GALNTL6: variants seen among roughly 807,000 people sequenced by gnomAD.
The protein encoded by GALNTL6 is polypeptide N-acetylgalactosaminyltransferase-like 6.
GALNTL6 carries 46 observed loss-of-function variants against 73.7 expected under a neutral mutation model. That is an observed-to-expected ratio of 0.62 (90% CI 0.49 to 0.80). GALNTL6 has a LOEUF of 0.80. Ranked by LOEUF, GALNTL6 falls within the 30% of genes least tolerant of loss-of-function variation. The probability of loss-of-function intolerance (pLI) is 0.00; values close to 1 mark genes in which losing one functional copy is unlikely to be tolerated. For synonymous variants in GALNTL6, 259 were observed against 263.7 expected, an observed-to-expected ratio of 0.98 and a Z score of 0.17; for missense variants, 604 against 755.0, an observed-to-expected ratio of 0.80 and a Z score of 2.34.
chr4:172,397,479 A>C (rs1217152879), intron 5 of GALNTL6, among the ~76,000 whole-genome samples: 2 of 152,184 alleles, frequency 1.3e-5, no homozygotes. Context: ...CCATATAACA[A>C]ATCACTCACC....
At chr4:171,865,431 G>A (rs1446197500) in intron 2 of GALNTL6, among the ~76,000 whole-genome samples, 1 of 152,066 alleles carries the variant, frequency 6.6e-6, no homozygotes, top group Non-Finnish European at 1.5e-5. Flanking sequence ...AATTGATCAG[G>A]AAGAAAAATA....
chr4:172,282,914 T>C (rs1739115645), intron 3 of GALNTL6, among the ~76,000 whole-genome samples: 1 of 152,154 alleles, frequency 6.6e-6, no homozygotes, highest in East Asian at 1.9e-4. Flanking sequence ...CATGATACGG[T>C]TTATTCATTT....
chr4:171,874,334 C>T (rs1736217498), intron 2 of GALNTL6, among the ~76,000 whole-genome samples: 1 of 152,232 alleles, frequency 6.6e-6, no homozygotes, highest in Non-Finnish European at 1.5e-5. Flanking sequence ...GGATTACAGG[C>T]ATGCCCCACC....
intron 2 of GALNTL6, among the ~76,000 whole-genome samples, chr4:172,075,217 A>G (rs1731665131): frequency 6.6e-6 from 1 of 152,114 alleles, no homozygotes; most frequent in Admixed American, 6.5e-5. Context: ...TGAGCTACCT[A>G]TCCATCTAAA....
intron 8 of GALNTL6, among the ~76,000 whole-genome samples, chr4:172,923,770 G>C (rs773276444): frequency 9.9e-5 from 15 of 152,154 alleles, no homozygotes; most frequent in Admixed American, 3.3e-4. Flanking sequence ...CATGGTGGAA[G>C]GCAAGGAGGA....
intron 3 of GALNTL6, among the ~76,000 whole-genome samples, chr4:172,256,545 T>C (rs1738084547): frequency 6.6e-6 from 1 of 151,452 alleles, no homozygotes; most frequent in African/African-American, 2.4e-5. Context: ...TTCTCTGATC[T>C]CCTGTTTTAC....
intron 12 of GALNTL6, among the ~76,000 whole-genome samples, chr4:173,027,934 T>C (rs1344963305): frequency 6.6e-6 from 1 of 152,216 alleles, no homozygotes; most frequent in Non-Finnish European, 1.5e-5. Context: ...ATTTGGTCAC[T>C]GTGAAAAGCA....
chr4:172,654,209 C>T (rs899974302), intron 5 of GALNTL6, among the ~76,000 whole-genome samples: 1 of 152,260 alleles, frequency 6.6e-6, no homozygotes, highest in African/African-American at 2.4e-5. Context: ...TTTTTAAAAG[C>T]GGGAGCTCAG....
chr4:172,039,399 A>G (rs1579080644), intron 2 of GALNTL6, among the ~76,000 whole-genome samples: 2 of 152,200 alleles, frequency 1.3e-5, no homozygotes, highest in Non-Finnish European at 2.9e-5. Context: ...GAGAAAAATA[A>G]CATTCTTTGA....
chr4:172,772,187 C>T (rs1057223715), intron 5 of GALNTL6, among the ~76,000 whole-genome samples: 3 of 152,292 alleles, frequency 2.0e-5, no homozygotes, highest in Non-Finnish European at 4.4e-5. Context: ...TGCCTCCCAT[C>T]GGGTCCCTCC....
intron 5 of GALNTL6, among the ~76,000 whole-genome samples, chr4:172,707,771 T>A (rs2111313870): frequency 6.8e-6 from 1 of 146,920 alleles, no homozygotes; most frequent in South Asian, 2.3e-4. Context: ...AGAAAATTAC[T>A]AACAAGAGAC....
chr4:173,028,896 A>T (rs1753339831), intron 12 of GALNTL6, among the ~76,000 whole-genome samples: 1 of 152,250 alleles, frequency 6.6e-6, no homozygotes, highest in Admixed American at 6.5e-5. Flanking sequence ...GGCACCTGCC[A>T]GGCTAAATTG....
At chr4:171,828,813 G>A (rs1409320964) in intron 2 of GALNTL6, among the ~76,000 whole-genome samples, 1 of 152,008 alleles carries the variant, frequency 6.6e-6, no homozygotes, top group East Asian at 1.9e-4. Flanking sequence ...AGTTGAGACA[G>A]GGTTTCACTA....
rs1739592449 is a variant in GALNTL6 at position 171,972,192 on chromosome 4, G to A, written c.138+157474G>A. Among the ~76,000 whole-genome samples the A allele has an allele frequency of 2.0e-5, 3 of 152,038 alleles. No homozygotes were observed. The South Asian group carries it at 6.2e-4, about 32-fold the overall frequency. On this transcript the variant is annotated intron_variant, in intron 2 of 12. Transcript: ENST00000506823. ...ACTTGTAGTTTTGCAACATATATAT[G>A]CCATATATGTTCATACATATATATG... is the stretch of plus-strand genomic sequence containing the variant.
chr4:172,352,085 A>G (rs1193622977), intron 5 of GALNTL6, among the ~76,000 whole-genome samples: 1 of 152,180 alleles, frequency 6.6e-6, no homozygotes, highest in African/African-American at 2.4e-5. Context: ...ATAAGTATAT[A>G]GTAATTGTTA....
chr4:172,600,817 A>G (rs1367961965), intron 5 of GALNTL6, among the ~76,000 whole-genome samples: 3 of 152,156 alleles, frequency 2.0e-5, no homozygotes, highest in Admixed American at 6.6e-5. Flanking sequence ...GATGATCCTA[A>G]AGTAACCTAA....
chr4:172,588,347 A>G (rs1737501677), intron 5 of GALNTL6, among the ~76,000 whole-genome samples: 1 of 152,118 alleles, frequency 6.6e-6, no homozygotes. Flanking sequence ...CAATCCCAGC[A>G]CTTTGAGAGG....
At chr4:172,738,377 C>T (rs748214202) in intron 5 of GALNTL6, among the ~76,000 whole-genome samples, 14 of 152,118 alleles carry the variant, frequency 9.2e-5, no homozygotes, top group African/African-American at 3.1e-4. Context: ...TGTTGAAGAA[C>T]TCAGCGCTGT....
intron 7 of GALNTL6, among the ~76,000 whole-genome samples, chr4:172,843,125 C>T (rs1743306257): frequency 2.0e-5 from 3 of 152,142 alleles, no homozygotes; most frequent in Non-Finnish European, 4.4e-5. Flanking sequence ...CCCCTCTCCT[C>T]CACCCCTCAT....
Sources: allele counts gnomAD v4.1 joint callset (sites outside exome capture counted in the v4.1 genomes callset), GRCh38; gene constraint gnomAD v4.1.1; transcripts MANE v1.5; gene names NCBI Gene and HGNC (gene_info 2026-07-23, HGNC 2026-07-21).